The following ATP8B4 variants were observed in gnomAD, a reference collection of about 807,000 sequenced individuals.
ATP8B4 encodes the protein probable phospholipid-transporting ATPase IM.
A neutral mutation model predicts 145.6 loss-of-function variants in ATP8B4; 133 were observed. The observed-to-expected ratio is 0.91, with a 90% confidence interval of 0.79 to 1.05. ATP8B4 has a LOEUF of 1.05. ATP8B4 is among the 50% of genes least tolerant of loss of function. The pLI is 0.00. For synonymous variants in ATP8B4, 507 were observed against 492.9 expected (o/e 1.03, Z -0.38); for missense variants, 1,458 against 1,425.2 (o/e 1.02, Z -0.37).
At chr15:50,132,430 G>A (rs1324010857) in intron 1 of ATP8B4, among the ~76,000 whole-genome samples, 1 of 152,178 alleles carries the variant, frequency 6.6e-6, no homozygotes, top group African/African-American at 2.4e-5. Context: ...ATGCCAGTTA[G>A]AATGGCGATC....
At chr15:50,173,075 T>TG (rs1366185247) in intron 1 of ATP8B4, among the ~76,000 whole-genome samples, 2 of 128,392 alleles carry the variant, frequency 1.6e-5, no homozygotes, top group Non-Finnish European at 3.3e-5. Flanking sequence ...ATCCGGGAGG[T>TG]GGGGGGCAGC....
chr15:50,124,431 GA>G (rs1253781670), intron 1 of ATP8B4, among the ~76,000 whole-genome samples: 1 of 152,040 alleles, frequency 6.6e-6, no homozygotes, highest in East Asian at 1.9e-4. Flanking sequence ...ACTAACTCAT[GA>G]AAAGAACAAA....
At chr15:49,972,442 C>G in intron 13 of ATP8B4, 140 bp downstream of exon 13, 1 of 702,346 alleles carries the variant, frequency 1.4e-6, no homozygotes, top group Non-Finnish European at 2.3e-6. Flanking sequence ...ATATCAGCAT[C>G]TATATGGTAG....
At chr15:50,018,231 G>C (rs892005648) in intron 6 of ATP8B4, among the ~76,000 whole-genome samples, 1 of 152,052 alleles carries the variant, frequency 6.6e-6, no homozygotes, top group African/African-American at 2.4e-5. Context: ...CAAGTGATCT[G>C]CCCGCCTCAG....
chr15:50,048,282 G>C (rs2051884192), intron 3 of ATP8B4, among the ~76,000 whole-genome samples: 2 of 152,188 alleles, frequency 1.3e-5, no homozygotes, highest in East Asian at 1.9e-4. Context: ...GGGGCACTTA[G>C]TCATATGTGG....
chr15:49,920,677 G>A (rs894630865), intron 17 of ATP8B4, among the ~76,000 whole-genome samples: 3 of 152,176 alleles, frequency 2.0e-5, no homozygotes, highest in Non-Finnish European at 2.9e-5. Flanking sequence ...AAGTGTCCTA[G>A]TTGAGAGGTG....
At chr15:49,991,432 C>T (rs1360422254) in intron 9 of ATP8B4, among the ~76,000 whole-genome samples, 1 of 152,110 alleles carries the variant, frequency 6.6e-6, no homozygotes, top group South Asian at 2.1e-4. Context: ...AATTTACATC[C>T]GGGGTTTTCC....
At chr15:50,066,703 G>A (rs1372183634) in intron 3 of ATP8B4, among the ~76,000 whole-genome samples, 2 of 152,098 alleles carry the variant, frequency 1.3e-5, no homozygotes, top group East Asian at 1.9e-4. Context: ...ATTTCAGTCA[G>A]CCTGAAAGCT....
chr15:49,889,085 T>C (rs972369603), intron 23 of ATP8B4, among the ~76,000 whole-genome samples: 20 of 152,046 alleles, frequency 1.3e-4, no homozygotes, highest in African/African-American at 4.6e-4. Flanking sequence ...ATTTTCTGAT[T>C]AGGGGTTGAG....
chr15:49,910,781 A>T (rs2153445010), intron 20 of ATP8B4, among the ~76,000 whole-genome samples: 1 of 152,294 alleles, frequency 6.6e-6, no homozygotes, highest in African/African-American at 2.4e-5. Flanking sequence ...GTTTATTTCT[A>T]AATAAAGTTA....
At chr15:50,139,617 T>C (rs2044180256) in intron 1 of ATP8B4, among the ~76,000 whole-genome samples, 1 of 152,138 alleles carries the variant, frequency 6.6e-6, no homozygotes, top group South Asian at 2.1e-4. Context: ...AATAAATAAA[T>C]GTGTCCGTTC....
chr15:50,106,854 T>G, intron 2 of ATP8B4, 85 bp downstream of exon 2: 1 of 1,362,008 alleles, frequency 7.3e-7, no homozygotes, highest in South Asian at 1.3e-5. Context: ...GTGTGCTTTT[T>G]ATATATAAAT....
chr15:50,031,058 C>T (rs1341118584), intron 6 of ATP8B4, among the ~76,000 whole-genome samples: 2 of 152,178 alleles, frequency 1.3e-5, no homozygotes, highest in African/African-American at 4.8e-5. Context: ...CTGAAATTAA[C>T]TTATTGAAGG....
At chr15:50,065,856 A>C (rs1166300862) in intron 3 of ATP8B4, among the ~76,000 whole-genome samples, 1 of 152,126 alleles carries the variant, frequency 6.6e-6, no homozygotes, top group Non-Finnish European at 1.5e-5. Flanking sequence ...AAGCAGATGG[A>C]ATGGGAACTA....
At chr15:50,173,117 G>C (rs2044710749) in intron 1 of ATP8B4, among the ~76,000 whole-genome samples, 1 of 150,746 alleles carries the variant, frequency 6.6e-6, no homozygotes, top group African/African-American at 2.4e-5. Flanking sequence ...TCTGGGAGGT[G>C]GGGGGCGCCT....
chr15:49,924,967 T>C (rs1041320683), intron 16 of ATP8B4, among the ~76,000 whole-genome samples: 9 of 152,210 alleles, frequency 5.9e-5, no homozygotes, highest in Non-Finnish European at 1.5e-5. Context: ...ACACCAGAGG[T>C]ATAAAGGCAA....
chr15:49,867,040 TG>T (rs1566895936), intron 25 of ATP8B4, among the ~76,000 whole-genome samples: 3 of 152,156 alleles, frequency 2.0e-5, no homozygotes, highest in Non-Finnish European at 4.4e-5. Flanking sequence ...ATTCAGAAAC[TG>T]GGATTCACAA....
At chr15:49,862,162 C>G in intron 27 of ATP8B4, 83 bp downstream of exon 27, 1 of 1,499,354 alleles carries the variant, frequency 6.7e-7, no homozygotes, top group East Asian at 2.3e-5. Context: ...TAGCCCATCT[C>G]TGAGCTTCCA....
In ATP8B4 at chr15:50,050,158, G is replaced by T. The variant is rs75124016; in HGVS notation, c.88-2694C>A. On this transcript the variant is annotated intron_variant, in intron 3 of 27. Transcript: ENST00000284509. ...TATTTTACAGACATTTCTTCCCAGTGAGGCTCTTTTGGGTCCATCCCAGCT... is the reference window on the plus strand; with the variant it reads ...TATTTTACAGACATTTCTTCCCAGTTAGGCTCTTTTGGGTCCATCCCAGCT... 1.5e-3 allele frequency among the ~76,000 whole-genome samples: 231 copies of T among 152,300 alleles called. 6 individuals carry two copies. Among genetic ancestry groups the T allele is most frequent in the East Asian group, 0.013 (69 of 5,190 alleles).
Sources: gnomAD v4.1 joint callset for allele counts (sites outside exome capture counted in the v4.1 genomes callset) on GRCh38, gnomAD v4.1.1 for gene constraint, MANE v1.5 for transcripts, NCBI Gene and HGNC (gene_info 2026-07-23, HGNC 2026-07-21) for gene names.